The following ASIC2 variants were observed in gnomAD, a reference collection of about 807,000 sequenced individuals.
The protein encoded by ASIC2 is acid-sensing ion channel 2.
A neutral mutation model predicts 57.3 loss-of-function variants in ASIC2; 25 were observed. The observed-to-expected ratio is 0.44, with a 90% CI of 0.32 to 0.61. The LOEUF (loss-of-function observed/expected upper bound fraction) is 0.61. Ranked by LOEUF, ASIC2 falls within the 20% of genes least tolerant of loss-of-function variation. The pLI is 0.06. For missense variants in ASIC2, 641 were observed against 738.1 expected, an observed-to-expected ratio of 0.87 and a Z score of 1.52; for synonymous variants, 319 against 307.5, an observed-to-expected ratio of 1.04 and a Z score of -0.39.
intron 2 of ASIC2, among the ~76,000 whole-genome samples, chr17:33,103,031 C>T (rs961663415): frequency 2.0e-5 from 3 of 152,172 alleles, no homozygotes; most frequent in Admixed American, 6.5e-5. Flanking sequence ...GATCCGCCCG[C>T]CTTGGCCTCC....
At chr17:33,607,330 A>C (rs991012553) in intron 1 of ASIC2, among the ~76,000 whole-genome samples, 3 of 152,096 alleles carry the variant, frequency 2.0e-5, no homozygotes, top group Admixed American at 6.5e-5. Context: ...CTGAGGGTGT[A>C]AGGCAGGGAG....
chr17:33,763,776 CAT>C (rs1567709399), intron 1 of ASIC2, among the ~76,000 whole-genome samples: 1 of 152,192 alleles, frequency 6.6e-6, no homozygotes, highest in African/African-American at 2.4e-5. Context: ...CTATGGTAGA[CAT>C]ATGTAAAGTC....
chr17:33,143,572 C>T (rs138218042), intron 1 of ASIC2, among the ~76,000 whole-genome samples: 1 of 152,260 alleles, frequency 6.6e-6, no homozygotes, highest in Non-Finnish European at 1.5e-5. Flanking sequence ...GTCACAGAGC[C>T]AGTTAACAAC....
chr17:33,307,930 C>T (rs770992617), intron 1 of ASIC2, among the ~76,000 whole-genome samples: 3 of 152,160 alleles, frequency 2.0e-5, no homozygotes, highest in Non-Finnish European at 4.4e-5. Context: ...AATCTCTTGC[C>T]AGTGCACTTA....
At chr17:33,678,593 C>T (rs1459926174) in intron 1 of ASIC2, among the ~76,000 whole-genome samples, 1 of 152,110 alleles carries the variant, frequency 6.6e-6, no homozygotes, top group Non-Finnish European at 1.5e-5. Context: ...CCGATCACTA[C>T]ACCATATTCT....
chr17:33,654,833 A>G (rs1408894921), intron 1 of ASIC2, among the ~76,000 whole-genome samples: 2 of 152,250 alleles, frequency 1.3e-5, no homozygotes, highest in African/African-American at 4.8e-5. Context: ...TTCTTGGTCA[A>G]AAAGAAGATG....
chr17:33,467,910 C>T (rs1912917997), intron 1 of ASIC2, among the ~76,000 whole-genome samples: 1 of 152,174 alleles, frequency 6.6e-6, no homozygotes, highest in Non-Finnish European at 1.5e-5. Context: ...TGTGCATTGG[C>T]CATGGTCACT....
chr17:33,290,432 T>G (rs1760178029), intron 1 of ASIC2, among the ~76,000 whole-genome samples: 3 of 152,224 alleles, frequency 2.0e-5, no homozygotes, highest in Non-Finnish European at 4.4e-5. Context: ...CACGAATGGC[T>G]GGACAGGCAT....
chr17:33,265,605 C>T (rs1909428865), intron 1 of ASIC2, among the ~76,000 whole-genome samples: 1 of 152,072 alleles, frequency 6.6e-6, no homozygotes, highest in African/African-American at 2.4e-5. Context: ...ACCACCGTGG[C>T]ACATATTTAC....
At position 33,888,868 on chromosome 17, in the gene ASIC2, G is replaced by T. The variant is rs530043731; in HGVS notation, c.555+267110C>A. On this transcript the variant is annotated intron_variant, in intron 1 of 9. Coordinates refer to the ASIC2 transcript ENST00000359872. ...TTTGAGGTCATTGGCTACTTTTGTG[G>T]TTCTCTCCCACAATCGGTCCACAGT... is the stretch of plus-strand genomic sequence containing the variant. Among the ~76,000 whole-genome samples the T allele has an allele frequency of 4.1e-4, 63 of 152,260 alleles. No homozygotes were observed. The East Asian group carries it at 7.9e-3, about 19-fold the overall frequency.
intron 1 of ASIC2, among the ~76,000 whole-genome samples, chr17:33,618,244 G>A (rs9914388): frequency 6.6e-6 from 1 of 151,796 alleles, no homozygotes; most frequent in Non-Finnish European, 1.5e-5. Flanking sequence ...TTTTGAGACA[G>A]AGTCTTGCTG....
intron 1 of ASIC2, among the ~76,000 whole-genome samples, chr17:33,952,065 G>C (rs1904592858): frequency 6.6e-6 from 1 of 152,130 alleles, no homozygotes; most frequent in African/African-American, 2.4e-5. Flanking sequence ...AATGTTAAAA[G>C]TTTTGAAAAA....
At chr17:33,816,852 T>G (rs1597888059) in intron 1 of ASIC2, 1 of 152,252 alleles carries the variant, frequency 6.6e-6, no homozygotes, top group African/African-American at 2.4e-5. Flanking sequence ...TGCTGAATCT[T>G]CATCTTCACT....
intron 1 of ASIC2, among the ~76,000 whole-genome samples, chr17:33,211,210 A>T (rs1202147532): frequency 6.6e-6 from 1 of 151,998 alleles, no homozygotes; most frequent in Non-Finnish European, 1.5e-5. Flanking sequence ...TTGTGGAGAG[A>T]GTAGTTAGTA....
intron 1 of ASIC2, among the ~76,000 whole-genome samples, chr17:33,473,155 G>A (rs1440334094): frequency 6.6e-6 from 1 of 152,216 alleles, no homozygotes; most frequent in Non-Finnish European, 1.5e-5. Context: ...TCTTGAGCAG[G>A]AAGGATCTGA....
chr17:33,019,738 C>T (rs2141894966), intron 7 of ASIC2, among the ~76,000 whole-genome samples: 1 of 152,120 alleles, frequency 6.6e-6, no homozygotes, highest in African/African-American at 2.4e-5. Context: ...ACAAACTCAT[C>T]CTCATATCTG....
intron 1 of ASIC2, among the ~76,000 whole-genome samples, chr17:33,711,604 G>A (rs1909038447): frequency 6.6e-6 from 1 of 152,124 alleles, no homozygotes; most frequent in South Asian, 2.1e-4. Flanking sequence ...CATGGCTCAG[G>A]GGGCCTCAGG....
intron 1 of ASIC2, among the ~76,000 whole-genome samples, chr17:33,510,471 C>T (rs973877212): frequency 6.6e-5 from 10 of 151,788 alleles, no homozygotes; most frequent in African/African-American, 2.4e-4. Context: ...TAGTGAGACC[C>T]CATCTCTACA....
At chr17:33,464,548 T>TTCTTTCTTTTCTC (rs1912784451) in intron 1 of ASIC2, among the ~76,000 whole-genome samples, 1 of 118,126 alleles carries the variant, frequency 8.5e-6, no homozygotes, top group Non-Finnish European at 1.8e-5. Context: ...TTCTCTTTCT[T>TTCTTTCTTTTCTC]TCTTTCTTTC....
Sources: gnomAD v4.1 joint callset for allele counts (sites outside exome capture counted in the v4.1 genomes callset) on GRCh38, gnomAD v4.1.1 for gene constraint, MANE v1.5 for transcripts, NCBI Gene and HGNC (gene_info 2026-07-23, HGNC 2026-07-21) for gene names.